Variants in TNIK observed in about 807,000 individuals in gnomAD.
The protein encoded by TNIK is TRAF2 and NCK interacting kinase, also known as TRAF2 and NCK-interacting protein kinase.
Under a neutral mutation model 191.3 loss-of-function variants are expected in TNIK, and 49 were observed. The ratio of observed to expected loss-of-function variants is 0.26; its 90% CI spans 0.20 to 0.32. TNIK has a LOEUF of 0.32. Among genes scored for constraint, TNIK ranks in the 10% least tolerant of loss-of-function variants. TNIK has a pLI of 1.00. For missense variants in TNIK, 1,155 were observed against 1,702.3 expected, an observed-to-expected ratio of 0.68 and a Z score of 5.66; for synonymous variants, 594 against 600.9, an observed-to-expected ratio of 0.99 and a Z score of 0.17.
At chr3:171,285,394 A>G (rs1369572335) in intron 2 of TNIK, among the ~76,000 whole-genome samples, 1 of 152,232 alleles carries the variant, frequency 6.6e-6, no homozygotes, top group African/African-American at 2.4e-5. Flanking sequence ...CTCCTCAAAG[A>G]AAAACGTAGA....
chr3:171,190,099 T>G (rs1001934757), intron 6 of TNIK, among the ~76,000 whole-genome samples: 18 of 152,310 alleles, frequency 1.2e-4, no homozygotes, highest in African/African-American at 4.3e-4. Context: ...GTCAAATGCA[T>G]GTGGTAATTC....
intron 1 of TNIK, among the ~76,000 whole-genome samples, chr3:171,394,107 G>A (rs1719918396): frequency 6.6e-6 from 1 of 152,122 alleles, no homozygotes. Context: ...TGCATCCTCA[G>A]AGGCTGGTAC....
intron 15 of TNIK, among the ~76,000 whole-genome samples, chr3:171,132,465 TAGGATAGGAG>T (rs2108598502): frequency 6.6e-6 from 1 of 152,334 alleles, no homozygotes; most frequent in African/African-American, 2.4e-5. Flanking sequence ...ATCCACTGCC[TAGGATAGGAG>T]TAATGTCTAT....
At chr3:171,329,197 T>C (rs1258218831) in intron 2 of TNIK, among the ~76,000 whole-genome samples, 2 of 152,196 alleles carry the variant, frequency 1.3e-5, no homozygotes, top group African/African-American at 4.8e-5. Context: ...TGCTGTTTCC[T>C]ATACTCGTTC....
chr3:171,241,052 T>TA, intron 2 of TNIK, among the ~76,000 whole-genome samples: 4 of 150,514 alleles, frequency 2.7e-5, no homozygotes, highest in Middle Eastern at 6.9e-3. Flanking sequence ...TTTTTGGAGA[T>TA]AGAGTTCTGC....
chr3:171,080,557 C>T (rs1281314489), intron 27 of TNIK, among the ~76,000 whole-genome samples: 2 of 152,060 alleles, frequency 1.3e-5, no homozygotes, highest in African/African-American at 2.4e-5. Flanking sequence ...CTGCCTCAGC[C>T]TCCCAAGTAG....
At chr3:171,255,378 AC>A (rs1268643351) in intron 2 of TNIK, among the ~76,000 whole-genome samples, 1 of 152,182 alleles carries the variant, frequency 6.6e-6, no homozygotes, top group African/African-American at 2.4e-5. Context: ...TCTGGTTACA[AC>A]CATCTTAGCT....
intron 22 of TNIK, among the ~76,000 whole-genome samples, chr3:171,097,976 AATAAATT>A (rs1257998533): frequency 6.6e-6 from 1 of 152,220 alleles, no homozygotes; most frequent in Non-Finnish European, 1.5e-5. Context: ...TAAATGATGG[AATAAATT>A]AATAAATAGA....
chr3:171,452,452 C>T (rs928272234), intron 1 of TNIK, among the ~76,000 whole-genome samples: 2 of 152,036 alleles, frequency 1.3e-5, no homozygotes, highest in Non-Finnish European at 2.9e-5. Context: ...CCAAACCACT[C>T]ATCTTACATG....
chr3:171,230,339 A>G (rs1479838926), intron 2 of TNIK, among the ~76,000 whole-genome samples: 1 of 152,218 alleles, frequency 6.6e-6, no homozygotes, highest in African/African-American at 2.4e-5. Context: ...GTCTTAAATA[A>G]TGGCTGTTCA....
rs1560066586 is a variant in TNIK, at chr3:171,068,762, TCTA to T, written c.3699+83_3699+85del. On this transcript the variant is annotated intron_variant, in intron 30 of 32. Coordinates refer to ENST00000436636, the MANE Select transcript of TNIK (RefSeq NM_015028.4). Reference sequence around the variant, plus strand: ...GCTGGTTAGTAAAGTGTGCATGACTTCTACTAAAACTATGCAAAACAAATCTCT... The same window carrying T: ...GCTGGTTAGTAAAGTGTGCATGACTTCTAAAACTATGCAAAACAAATCTCT... 6 of 1,377,258 alleles carry T rather than the reference TCTA, an allele frequency of 4.4e-6. No individual in the cohort carries two copies. The East Asian group carries it at 1.0e-4, about 24-fold the overall frequency. The allele number at this position is 1,377,258 out of a possible 1,614,324, so 85.3% of individuals were successfully genotyped here.
chr3:171,424,273 C>A (rs1724231801), intron 1 of TNIK, among the ~76,000 whole-genome samples: 1 of 152,104 alleles, frequency 6.6e-6, no homozygotes, highest in South Asian at 2.1e-4. Context: ...CAAATCAAAA[C>A]CAAAATGAGA....
rs1167927936 is a variant in TNIK, at chr3:171,460,367, C to T, written c.-304G>A. On this transcript the variant is annotated 5_prime_UTR_variant, in exon 1 of 33. Coordinates refer to ENST00000436636, the MANE Select transcript of TNIK (RefSeq NM_015028.4). The surrounding 1 kb of genome is among the most constrained non-coding windows in gnomAD (Gnocchi z 6.8). ...GGGTGTATTTAAATGGGACATGCTT[C>T]TTTGCTTGTGCGTGGATGGCGGCTG... 7.3e-5 allele frequency: 35 copies of T among 482,118 alleles called. No homozygotes were observed. The South Asian group carries it at 7.9e-4, about 11-fold the overall frequency. The allele number at this position is 482,118 out of a possible 1,614,324, so 29.9% of individuals were successfully genotyped here. A position where few individuals can be genotyped will look rare whatever the true frequency, so the allele number is the denominator to read the frequency against.
At chr3:171,314,689 C>T (rs939374123) in intron 2 of TNIK, among the ~76,000 whole-genome samples, 12 of 151,998 alleles carry the variant, frequency 7.9e-5, no homozygotes, top group Non-Finnish European at 4.4e-5. Context: ...TCATAATCTA[C>T]TAGGGAAAAC....
intron 18 of TNIK, among the ~76,000 whole-genome samples, chr3:171,119,946 TA>T (rs999611580): frequency 6.6e-6 from 1 of 151,982 alleles, no homozygotes; most frequent in Non-Finnish European, 1.5e-5. Flanking sequence ...TTAAAGTATA[TA>T]AAAAAAGTGT....
At chr3:171,355,508 G>A (rs1713907035) in intron 2 of TNIK, among the ~76,000 whole-genome samples, 1 of 152,178 alleles carries the variant, frequency 6.6e-6, no homozygotes, top group Admixed American at 6.5e-5. Flanking sequence ...TGCCTAATTT[G>A]CAACTCTTTT....
Position 171,231,659 on chromosome 3 carries a change from C to T in TNIK, c.124-3438G>A, listed in dbSNP as rs968209302. ...TTTTCTATCCCCAGAGAACATCAGGCCAAGTTATGATCCAGATTAAGGCAG... is the reference window on the plus strand; with the variant it reads ...TTTTCTATCCCCAGAGAACATCAGGTCAAGTTATGATCCAGATTAAGGCAG... On this transcript the variant is annotated intron_variant, in intron 2 of 32. Transcript: ENST00000436636. Among the ~76,000 whole-genome samples the T allele has an allele frequency of 2.0e-5, 3 of 152,214 alleles. No homozygotes were observed. The East Asian group carries it at 5.8e-4, about 29-fold the overall frequency.
intron 8 of TNIK, 74 bp from the exon 9 acceptor site, chr3:171,175,404 G>A (rs1017730880): frequency 3.1e-6 from 4 of 1,298,854 alleles, no homozygotes; most frequent in Non-Finnish European, 4.2e-6. Context: ...TGGCTGTGCA[G>A]ATAATGGCTG....
At chr3:171,151,863 G>A (rs1235076125) in intron 12 of TNIK, among the ~76,000 whole-genome samples, 1 of 152,186 alleles carries the variant, frequency 6.6e-6, no homozygotes, top group Non-Finnish European at 1.5e-5. Flanking sequence ...GGCTGTCTAG[G>A]AGCATTTGGA....
Sources: allele counts gnomAD v4.1 joint callset (sites outside exome capture counted in the v4.1 genomes callset), GRCh38; gene constraint gnomAD v4.1.1; non-coding constraint Gnocchi (gnomAD v3.1); transcripts MANE v1.5; gene names NCBI Gene and HGNC (gene_info 2026-07-23, HGNC 2026-07-21).